The following MCM4 variants were observed in gnomAD, a reference collection of about 807,000 sequenced individuals.
MCM4 encodes DNA replication licensing factor MCM4.
Under a neutral mutation model 88.7 loss-of-function variants are expected in MCM4, and 60 were observed. That is an observed-to-expected ratio of 0.68 (90% CI 0.55 to 0.84). MCM4 has a LOEUF of 0.84. MCM4 is among the 40% of genes least tolerant of loss of function. MCM4 has a pLI of 0.00. For missense variants in MCM4, 1,149 were observed against 1,105.5 expected, an observed-to-expected ratio of 1.04 and a Z score of -0.56; for synonymous variants, 465 against 410.5, an observed-to-expected ratio of 1.13 and a Z score of -1.61.
At chr8:47,969,748 C>T (rs1161569286) in intron 10 of MCM4, 50 bp from the exon 11 acceptor site, 9 of 1,602,866 alleles carry the variant, frequency 5.6e-6, no homozygotes, top group South Asian at 1.1e-5. Context: ...CTGAGCCACT[C>T]GGAGGAAGAT....
Position 47,976,826 on chromosome 8 carries a change from C to T in MCM4, c.*48C>T, listed in dbSNP as rs1485114204. On this transcript the variant is annotated 3_prime_UTR_variant, in exon 17 of 17. Coordinates refer to ENST00000649973, the MANE Select transcript of MCM4 (RefSeq NM_182746.3). Reference sequence around the variant, plus strand: ...CCCTGCATGTCCTGCTTGCTGCACGCCACATGGGTGTGGTCTGCATCTCAG... The same window carrying T: ...CCCTGCATGTCCTGCTTGCTGCACGTCACATGGGTGTGGTCTGCATCTCAG... The T allele has an allele frequency of 1.6e-6, 2 of 1,214,182 alleles. No homozygotes were observed. The highest frequency in any genetic ancestry group is 2.4e-6 in the Non-Finnish European group (2 of 817,716). The allele number at this position is 1,214,182 out of a possible 1,614,324, so 75.2% of individuals were successfully genotyped here. A position where few individuals can be genotyped will look rare whatever the true frequency, so the allele number is the denominator to read the frequency against.
At chr8:47,970,940 G>C (rs1170308763) in intron 12 of MCM4, 64 bp downstream of exon 12, 1 of 1,520,818 alleles carries the variant, frequency 6.6e-7, no homozygotes, top group African/African-American at 1.4e-5. Flanking sequence ...TGAAAGACAG[G>C]GTCTGTGGAA....
intron 13 of MCM4, among the ~76,000 whole-genome samples, chr8:47,972,498 G>C (rs565696535): frequency 6.6e-6 from 1 of 152,076 alleles, no homozygotes; most frequent in Non-Finnish European, 1.5e-5. Context: ...TTAGTACGTC[G>C]TTTGTAGGTG....
chr8:47,978,008 G>A lies in MCM4; in HGVS notation c.*1230G>A, dbSNP rs1055760477. On this transcript the variant is annotated 3_prime_UTR_variant, in exon 17 of 17. Transcript: ENST00000649973. ...CATTTATGGAAATTTGTAGGGGTAA[G>A]TATTTTATAGGTCATAAAAAACACC... The A allele has an allele frequency of 1.3e-5, 2 of 152,128 alleles. No individual in the cohort carries two copies. Among genetic ancestry groups the A allele is most frequent in the Non-Finnish European group, 2.9e-5 (2 of 68,032 alleles). 9.4% of individuals were successfully genotyped at this position (152,128 alleles called of 1,614,324 possible).
In MCM4 at chr8:47,976,853, T is replaced by C. The variant is rs1167626176; in HGVS notation, c.*75T>C. On this transcript the variant is annotated 3_prime_UTR_variant, in exon 17 of 17. Coordinates refer to ENST00000649973, the MANE Select transcript of MCM4 (RefSeq NM_182746.3). ...ACATGGGTGTGGTCTGCATCTCAGT[T>C]GGCCGCCATCAGTGTAAATAGAGCT... The C allele has an allele frequency of 4.2e-6, 4 of 948,616 alleles. No individual in the cohort carries two copies. The highest frequency in any genetic ancestry group is 6.9e-6 in the Non-Finnish European group (4 of 583,696). The allele number at this position is 948,616 out of a possible 1,614,324, so 58.8% of individuals were successfully genotyped here.
At position 47,967,492 on chromosome 8, in the gene MCM4, G is replaced by C; in HGVS notation, c.1174+7G>C. On this transcript the variant is annotated splice_region_variant and intron_variant, in intron 10 of 16. Transcript: ENST00000649973. ...GACAGAGTGAATGTTACAGGTAAGAGTGTAGGTTTGCACCAGCACTTGAGC... is the reference window on the plus strand; with the variant it reads ...GACAGAGTGAATGTTACAGGTAAGACTGTAGGTTTGCACCAGCACTTGAGC... 1 of 1,614,130 alleles carries C rather than the reference G, an allele frequency of 6.2e-7. No homozygotes were observed. The highest frequency in any genetic ancestry group is 8.5e-7 in the Non-Finnish European group (1 of 1,179,964).
intron 3 of MCM4, 82 bp from the exon 4 acceptor site, chr8:47,961,971 T>G (rs1451034626): frequency 1.9e-5 from 25 of 1,300,026 alleles, no homozygotes; most frequent in Non-Finnish European, 2.6e-5. Context: ...GCTGTTGCGA[T>G]TAGATGGTAT....
chr8:47,975,049 A>G, intron 15 of MCM4, 87 bp downstream of exon 15: 1 of 1,075,798 alleles, frequency 9.3e-7, no homozygotes, highest in Non-Finnish European at 1.3e-6. Flanking sequence ...CTAACAGTTA[A>G]ATCATTTGAA....
Position 47,969,795 on chromosome 8 carries a change from C to G in MCM4, c.1175-3C>G. The G allele has an allele frequency of 6.2e-7, 1 of 1,613,674 alleles. No individual in the cohort carries two copies. Among genetic ancestry groups the G allele is most frequent in the Non-Finnish European group, 8.5e-7 (1 of 1,179,534 alleles). On this transcript the variant is annotated splice_polypyrimidine_tract_variant and splice_region_variant and intron_variant, in intron 10 of 16. Coordinates refer to ENST00000649973, the MANE Select transcript of MCM4 (RefSeq NM_182746.3). The stretch of plus-strand genomic sequence containing the variant: ...AAAGTGCATCTCCTGGTTGTGCCCT[C>G]AGGCATCTATCGAGCTGTGCCTATT...
chr8:47,967,262 A>G, intron 9 of MCM4, 103 bp from the exon 10 acceptor site: 1 of 1,195,958 alleles, frequency 8.4e-7, no homozygotes, highest in Admixed American at 2.2e-5. Context: ...ATGTGGGGAT[A>G]TGCACTGCAG....
chr8:47,965,341 A>G (rs980607723), intron 8 of MCM4, among the ~76,000 whole-genome samples: 3 of 152,194 alleles, frequency 2.0e-5, no homozygotes, highest in Non-Finnish European at 4.4e-5. Flanking sequence ...ACAGTGGCTC[A>G]CACATGTAAT....
intron 9 of MCM4, among the ~76,000 whole-genome samples, 200 bp from the exon 10 acceptor site, chr8:47,967,165 T>G (rs1183581370): frequency 6.6e-6 from 1 of 152,262 alleles, no homozygotes; most frequent in African/African-American, 2.4e-5. Context: ...CCTACATTCC[T>G]TCCCCTGTTT....
chr8:47,961,243 GC>G (rs1478051021), intron 2 of MCM4, 29 bp downstream of exon 2: 3 of 1,467,392 alleles, frequency 2.0e-6, no homozygotes, highest in East Asian at 2.8e-5. Context: ...GCCCACTACA[GC>G]CCCCGGCGCC....
At position 47,971,431 on chromosome 8, in the gene MCM4, A is replaced by T; in HGVS notation, c.1891A>T (p.Ile631Phe). 2.5e-6 allele frequency: 4 copies of T among 1,614,136 alleles called. No homozygotes were observed. Among genetic ancestry groups the T allele is most frequent in the Non-Finnish European group, 3.4e-6 (4 of 1,179,986 alleles). Residue 631 changes from isoleucine (I) to phenylalanine (F), a missense_variant, in exon 13 of 17, where the codon ATT (isoleucine) becomes TTT (phenylalanine). Transcript: ENST00000649973. ...TCAGTGGAATCCTAAAAAAACAACC[A>T]TTGAAAACATCCAGCTGCCTCATAC... ...ESQWNPKKTT[I>F]ENIQLPHTLL...
intron 5 of MCM4, 46 bp from the exon 6 acceptor site, chr8:47,962,718 G>C (rs1415801707): frequency 1.8e-6 from 2 of 1,123,996 alleles, no homozygotes; most frequent in Non-Finnish European, 2.6e-6. Context: ...GTAGTTGCCT[G>C]TTCCCAAATG....
Position 47,962,823 on chromosome 8 carries a change from T to C in MCM4, c.561T>C (p.Asp187=), listed in dbSNP as rs748124961. 1 of 1,609,210 alleles carries C rather than the reference T, an allele frequency of 6.2e-7. No homozygotes were observed. The highest frequency in any genetic ancestry group is 1.1e-5 in the South Asian group (1 of 89,328). ...AAGAAGAAGAAAATGTTGGCATAGA[T>C]ATTACTGAACCTCTATACATGCAAC... ...LAKEEENVGI[D]ITEPLYMQRL... The change falls in exon 6 of 17, where the codon GAT becomes GAC. Residue 187 remains aspartate (D), a synonymous_variant. Coordinates refer to ENST00000649973, the MANE Select transcript of MCM4 (RefSeq NM_182746.3).
In MCM4 at chr8:47,961,000, G is replaced by A. The variant is rs2090815874; in HGVS notation, c.-29G>A. ...GAGTCCGCGAGCGTCGTCGGCAAGCGGCCGCCTTTCCACGGTAACCGCGCG... is the reference window on the plus strand; with the variant it reads ...GAGTCCGCGAGCGTCGTCGGCAAGCAGCCGCCTTTCCACGGTAACCGCGCG... On this transcript the variant is annotated 5_prime_UTR_variant, in exon 1 of 17. Coordinates refer to ENST00000649973, the MANE Select transcript of MCM4 (RefSeq NM_182746.3). 7 of 829,418 alleles carry A rather than the reference G, an allele frequency of 8.4e-6. No individual in the cohort carries two copies. In the Admixed American group the frequency reaches 2.5e-4, roughly 29 times the overall value. 51.4% of individuals were successfully genotyped at this position (829,418 alleles called of 1,614,324 possible). A position where few individuals can be genotyped will look rare whatever the true frequency, so the allele number is the denominator to read the frequency against.
At chr8:47,962,250 C>A (rs181830762) in intron 4 of MCM4, 34 bp downstream of exon 4, 18 of 1,613,724 alleles carry the variant, frequency 1.1e-5, no homozygotes, top group Non-Finnish European at 1.4e-5. Context: ...CATCTTATGG[C>A]GGGTATCATG....
rs1436410627 is a variant in MCM4 at position 47,977,786 on chromosome 8, G to A, written c.*1008G>A. 1.3e-5 allele frequency: 2 copies of A among 151,904 alleles called. No individual in the cohort carries two copies. The highest frequency in any genetic ancestry group is 2.4e-5 in the African/African-American group (1 of 41,338). 9.4% of individuals were successfully genotyped at this position (151,904 alleles called of 1,614,324 possible). On this transcript the variant is annotated 3_prime_UTR_variant, in exon 17 of 17. Coordinates refer to ENST00000649973, the MANE Select transcript of MCM4 (RefSeq NM_182746.3). The stretch of plus-strand genomic sequence containing the variant: ...TGTTTTATTTTTTATTTTTTGAGAG[G>A]TATGATTCTTTCTAGAGATTTTTTC...
Sources: allele counts gnomAD v4.1 joint callset (sites outside exome capture counted in the v4.1 genomes callset), GRCh38; gene constraint gnomAD v4.1.1; transcripts MANE v1.5; gene names NCBI Gene and HGNC (gene_info 2026-07-23, HGNC 2026-07-21).